The following OPRM1 variants were observed in gnomAD, a reference collection of about 807,000 sequenced individuals.
OPRM1 encodes mu-type opioid receptor.
OPRM1 carries 27 observed loss-of-function variants against 31.8 expected under a neutral mutation model. The observed-to-expected ratio is 0.85, with a 90% CI of 0.63 to 1.17. The LOEUF (loss-of-function observed/expected upper bound fraction) is 1.17. Among genes scored for constraint, OPRM1 ranks in the 50% most tolerant of loss-of-function variants. The pLI is 0.00. For synonymous variants in OPRM1, 196 were observed against 189.9 expected (o/e 1.03, Z -0.26); for missense variants, 536 against 511.1 (o/e 1.05, Z -0.47).
At position 154,090,952 on chromosome 6, in the gene OPRM1, G is replaced by C. The variant is rs202211710; in HGVS notation, c.644G>C (p.Gly215Ala). 2 of 1,609,962 alleles carry C rather than the reference G, an allele frequency of 1.2e-6. No homozygotes were observed. The highest frequency in any genetic ancestry group is 1.7e-6 in the Non-Finnish European group (2 of 1,177,900). Residue 215 changes from glycine (G) to alanine (A), a missense_variant and splice_region_variant, in exon 3 of 4, where the codon GGT becomes GCT. By Grantham distance (60) the Gly-to-Ala change is moderately conservative. Coordinates refer to ENST00000330432, the MANE Select transcript of OPRM1 (RefSeq NM_000914.5). ...MFMATTKYRQ[G>A]SIDCTLTFSH... is the part of the protein sequence containing the mutation. ...TTTCCTTTAAATTCCTTTCTTCTAG[G>C]TTCCATAGATTGTACACTAACATTC... is the stretch of plus-strand genomic sequence containing the variant.
intron 1 of OPRM1, among the ~76,000 whole-genome samples, chr6:154,083,143 A>G (rs1789558467): frequency 6.6e-6 from 1 of 152,226 alleles, no homozygotes; most frequent in Non-Finnish European, 1.5e-5. Flanking sequence ...TAATGGAAGT[A>G]TCTCTCGTTC....
intron 3 of OPRM1, among the ~76,000 whole-genome samples, chr6:154,153,582 G>A (rs1562511638): frequency 6.6e-6 from 1 of 152,012 alleles, no homozygotes; most frequent in Non-Finnish European, 1.5e-5. Context: ...CTACTCAGGA[G>A]GCTGAGGCAG....
chr6:154,081,730 T>C (rs1026462181), intron 1 of OPRM1, among the ~76,000 whole-genome samples: 1 of 152,154 alleles, frequency 6.6e-6, no homozygotes, highest in African/African-American at 2.4e-5. Context: ...CTGGGACCCA[T>C]TGCTTACAAC....
intron 1 of OPRM1, among the ~76,000 whole-genome samples, chr6:154,033,682 G>A (rs928113739): frequency 6.6e-6 from 1 of 152,128 alleles, no homozygotes; most frequent in African/African-American, 2.4e-5. Context: ...AGATTTATAT[G>A]GCACTGATAC....
chr6:154,099,543 G>T (rs1272229493), intron 3 of OPRM1, among the ~76,000 whole-genome samples: 7 of 149,760 alleles, frequency 4.7e-5, no homozygotes, highest in Admixed American at 1.3e-4. Flanking sequence ...AGAGAGAGAG[G>T]GAGAGAGGAA....
At chr6:154,028,788 C>T (rs1308905935) in intron 1 of OPRM1, among the ~76,000 whole-genome samples, 1 of 152,172 alleles carries the variant, frequency 6.6e-6, no homozygotes, top group Non-Finnish European at 1.5e-5. Flanking sequence ...CTCTACCTAG[C>T]ACACAGAAGC....
intron 3 of OPRM1, among the ~76,000 whole-genome samples, chr6:154,231,847 A>G (rs1251259786): frequency 6.6e-6 from 1 of 152,218 alleles, no homozygotes; most frequent in Non-Finnish European, 1.5e-5. Flanking sequence ...AAAAACAAAC[A>G]CGAAAAAGAA....
rs939080028 is a variant in OPRM1 at position 154,131,570 on chromosome 6, A to G, written c.*12849A>G. On this transcript the variant is annotated 3_prime_UTR_variant, in exon 4 of 4. Transcript: ENST00000330432. ...GATTCAGTTTGTATGCCAGGGTGAC[A>G]TTTTAATTTACAGTAGTCCAGACAC... is the stretch of plus-strand genomic sequence containing the variant. Among the ~76,000 whole-genome samples, 5 of 152,234 alleles carry G rather than the reference A, an allele frequency of 3.3e-5. No homozygotes were observed. The highest frequency in any genetic ancestry group is 1.2e-4 in the African/African-American group (5 of 41,468).
intron 3 of OPRM1, among the ~76,000 whole-genome samples, chr6:154,189,359 G>A (rs9397694): frequency 0.055 from 8,371 of 152,188 alleles, 339 homozygotes; most frequent in South Asian, 0.19. Context: ...ATACATCATG[G>A]CCAGCAATTC....
intron 3 of OPRM1, among the ~76,000 whole-genome samples, chr6:154,152,264 AAAG>A (rs1169007318): frequency 7.5e-6 from 1 of 133,784 alleles, no homozygotes; most frequent in Non-Finnish European, 1.5e-5. Flanking sequence ...GAAAAGAAAG[AAAG>A]AAAAAGAAAA....
At chr6:154,169,279 T>G (rs945798436) in intron 3 of OPRM1, among the ~76,000 whole-genome samples, 3 of 152,142 alleles carry the variant, frequency 2.0e-5, no homozygotes, top group Admixed American at 6.5e-5. Context: ...GAGAATCACT[T>G]GAGCCTGGGA....
chr6:154,203,297 T>G (rs1467007376), intron 3 of OPRM1, among the ~76,000 whole-genome samples: 1 of 152,174 alleles, frequency 6.6e-6, no homozygotes, highest in African/African-American at 2.4e-5. Flanking sequence ...AAGCCTTCTC[T>G]GATAGTCTCG....
chr6:154,039,276 A>C lies in OPRM1; in HGVS notation c.-269A>C. 6.4e-7 allele frequency: 1 copy of C among 1,551,294 alleles called. No individual in the cohort carries two copies. Among genetic ancestry groups the C allele is most frequent in the Non-Finnish European group, 8.7e-7 (1 of 1,146,862 alleles). Reference sequence around the variant, plus strand: ...CCAGCCTCCGAATCCCGCATGGCCCACGCTCCCCTCCTGCAGCGGTGCGGG... The same window carrying C: ...CCAGCCTCCGAATCCCGCATGGCCCCCGCTCCCCTCCTGCAGCGGTGCGGG... On this transcript the variant is annotated 5_prime_UTR_variant, in exon 1 of 4. Transcript: ENST00000330432.
At chr6:154,233,158 A>T (rs979715681) in intron 3 of OPRM1, among the ~76,000 whole-genome samples, 9 of 152,054 alleles carry the variant, frequency 5.9e-5, no homozygotes, top group African/African-American at 2.4e-5. Flanking sequence ...TAATAGAGAC[A>T]TGGTTTCGCC....
chr6:154,053,076 A>G (rs1462995503), intron 1 of OPRM1, among the ~76,000 whole-genome samples: 1 of 152,224 alleles, frequency 6.6e-6, no homozygotes, highest in Non-Finnish European at 1.5e-5. Context: ...TCAGACAATC[A>G]GCAAGGTTTA....
chr6:154,152,347 G>GAAAGAAAGAAAGAAA, intron 3 of OPRM1, among the ~76,000 whole-genome samples: 1,425 of 64,568 alleles, frequency 0.022, 48 homozygotes, highest in South Asian at 0.076. Context: ...AAGAAAGAAA[G>GAAAGAAAGAAAGAAA]GAAAGAAAGA....
At chr6:154,029,326 T>TA (rs1778876983) in intron 1 of OPRM1, among the ~76,000 whole-genome samples, 1 of 152,206 alleles carries the variant, frequency 6.6e-6, no homozygotes, top group South Asian at 2.1e-4. Context: ...GCAATCTTTT[T>TA]AAATGGTCAT....
intron 3 of OPRM1, among the ~76,000 whole-genome samples, chr6:154,141,404 C>T (rs933191463): frequency 6.6e-6 from 1 of 152,146 alleles, no homozygotes. Flanking sequence ...CTCTTGGAGG[C>T]CTTGATGGGG....
chr6:154,224,719 C>A (rs547739460), intron 3 of OPRM1, among the ~76,000 whole-genome samples: 18 of 151,856 alleles, frequency 1.2e-4, no homozygotes, highest in African/African-American at 4.1e-4. Flanking sequence ...TTAAAAAAAA[C>A]AAACAAACAA....
Sources: gnomAD v4.1 joint callset for allele counts (sites outside exome capture counted in the v4.1 genomes callset) on GRCh38, gnomAD v4.1.1 for gene constraint, MANE v1.5 for transcripts, NCBI Gene and HGNC (gene_info 2026-07-23, HGNC 2026-07-21) for gene names.